TMOD3: variants seen among roughly 807,000 people sequenced by gnomAD.
TMOD3 encodes tropomodulin-3.
In TMOD3, 20 loss-of-function variants were observed where a neutral mutation model predicts 39.2. The observed-to-expected ratio is 0.51, with a 90% CI of 0.36 to 0.74. TMOD3 has a LOEUF of 0.74. TMOD3 is among the 30% of genes least tolerant of loss of function. The pLI, the probability that TMOD3 is intolerant of heterozygous loss-of-function variation, is 0.00. For synonymous variants in TMOD3, 143 were observed against 145.8 expected, an observed-to-expected ratio of 0.98 and a Z score of 0.14; for missense variants, 381 against 412.8, an observed-to-expected ratio of 0.92 and a Z score of 0.67.
chr15:51,850,760 G>C (rs1054547769), intron 1 of TMOD3, among the ~76,000 whole-genome samples: 2 of 151,758 alleles, frequency 1.3e-5, no homozygotes, highest in African/African-American at 4.9e-5. Flanking sequence ...TGTTTGAGAC[G>C]GAGTATTGCT....
At chr15:51,880,308 T>C (rs140933274) in intron 3 of TMOD3, among the ~76,000 whole-genome samples, 175 of 152,348 alleles carry the variant, frequency 1.1e-3, no homozygotes, top group African/African-American at 3.8e-3. Context: ...TTAGTGGTTT[T>C]TGTAAACATC....
At chr15:51,881,497 T>G (rs998778464) in intron 3 of TMOD3, among the ~76,000 whole-genome samples, 1 of 151,034 alleles carries the variant, frequency 6.6e-6, no homozygotes, top group Admixed American at 6.6e-5. Flanking sequence ...TGGTGGCATA[T>G]CTAAAAACCA....
At chr15:51,830,611 A>G (rs1204542083) in intron 1 of TMOD3, among the ~76,000 whole-genome samples, 3 of 152,220 alleles carry the variant, frequency 2.0e-5, no homozygotes, top group African/African-American at 7.2e-5. Context: ...TGAACACTGC[A>G]GTAAAACTTA....
At chr15:51,906,386 T>C (rs1377241062) in intron 9 of TMOD3, among the ~76,000 whole-genome samples, 1 of 152,194 alleles carries the variant, frequency 6.6e-6, no homozygotes, top group South Asian at 2.1e-4. Context: ...GATCTTTGAG[T>C]TCTGATTTTG....
chr15:51,900,008 T>C (rs939630038), intron 7 of TMOD3, 147 bp from the exon 8 acceptor site: 5 of 773,744 alleles, frequency 6.5e-6, no homozygotes, highest in Non-Finnish European at 1.0e-5. Flanking sequence ...CAACTGTACA[T>C]GTGAGAGCTA....
intron 1 of TMOD3, among the ~76,000 whole-genome samples, chr15:51,841,768 GT>G (rs1409586771): frequency 6.6e-6 from 1 of 152,044 alleles, no homozygotes; most frequent in African/African-American, 2.4e-5. Context: ...ATGGTTTGGA[GT>G]TTTTTTAATT....
intron 1 of TMOD3, among the ~76,000 whole-genome samples, chr15:51,848,092 G>C (rs996021663): frequency 6.6e-5 from 10 of 152,162 alleles, no homozygotes; most frequent in Non-Finnish European, 1.0e-4. Flanking sequence ...ACCTGACTCT[G>C]AATCTGCTGG....
intron 1 of TMOD3, among the ~76,000 whole-genome samples, chr15:51,856,917 A>G (rs1049690371): frequency 2.0e-5 from 3 of 152,220 alleles, no homozygotes. Flanking sequence ...TTCCATTCCT[A>G]GATTTGAAGG....
At chr15:51,876,648 A>G (rs1009604984) in intron 3 of TMOD3, among the ~76,000 whole-genome samples, 9 of 151,690 alleles carry the variant, frequency 5.9e-5, no homozygotes, top group African/African-American at 2.2e-4. Flanking sequence ...TTTTTAGTAG[A>G]GACGGGGTTT....
At chr15:51,842,547 G>T (rs1479032663) in intron 1 of TMOD3, among the ~76,000 whole-genome samples, 1 of 152,046 alleles carries the variant, frequency 6.6e-6, no homozygotes, top group Non-Finnish European at 1.5e-5. Context: ...CTGTCTGTTG[G>T]TTATTTTTCA....
At chr15:51,865,394 C>CT (rs2056440398) in intron 2 of TMOD3, among the ~76,000 whole-genome samples, 1 of 152,022 alleles carries the variant, frequency 6.6e-6, no homozygotes, top group African/African-American at 2.4e-5. Context: ...AGAGCTGGGA[C>CT]TAGATCCCTC....
In TMOD3 at chr15:51,893,377, A is replaced by C. The variant is rs1296753774; in HGVS notation, c.497-438A>C. ...AAAGGATCTTTTCGGAATTGTGGGGATGGAACTTTTAAATCTGTCCCCTTG... is the reference window on the plus strand; with the variant it reads ...AAAGGATCTTTTCGGAATTGTGGGGCTGGAACTTTTAAATCTGTCCCCTTG... On this transcript the variant is annotated intron_variant, in intron 5 of 9. Transcript: ENST00000308580. Among the ~76,000 whole-genome samples the C allele has an allele frequency of 2.0e-5, 3 of 151,184 alleles. No individual in the cohort carries two copies. In the East Asian group the frequency reaches 5.8e-4, roughly 29 times the overall value.
intron 9 of TMOD3, among the ~76,000 whole-genome samples, chr15:51,902,644 ATT>A (rs200954393): frequency 0.16 from 14,977 of 93,558 alleles, 965 homozygotes; most frequent in East Asian, 0.28. Flanking sequence ...TAATTTTTGT[ATT>A]TTTTTTTTTT....
rs111589483 is a variant in TMOD3 at position 51,842,720 on chromosome 15, T to A, written c.-75+12884T>A. Among the ~76,000 whole-genome samples the A allele has an allele frequency of 7.1e-3, 1,075 of 152,344 alleles. 15 individuals carry two copies. Among genetic ancestry groups the A allele is most frequent in the African/African-American group, 0.025 (1,037 of 41,580 alleles). ...CTTTTATCCCACCTCATGAGAATTA[T>A]ACCCTAACTCCAGGAGTTACCAAAT... On this transcript the variant is annotated intron_variant, in intron 1 of 9. Coordinates refer to ENST00000308580, the MANE Select transcript of TMOD3 (RefSeq NM_014547.5).
intron 9 of TMOD3, among the ~76,000 whole-genome samples, chr15:51,904,331 G>C (rs1408019582): frequency 6.6e-6 from 1 of 152,162 alleles, no homozygotes; most frequent in Admixed American, 6.5e-5. Context: ...TATGTTGTTG[G>C]CAGGGGCCAT....
rs1030951318 is a variant in TMOD3 at position 51,912,034 on chromosome 15, A to G, written c.*3224A>G. On this transcript the variant is annotated 3_prime_UTR_variant, in exon 10 of 10. Transcript: ENST00000308580. ...ATAAGATATTCGCTCTGGAGAAGTT[A>G]CATGTAAATAGAATTCTATAAATTG... 1 of 152,240 alleles carries G rather than the reference A, an allele frequency of 6.6e-6. No individual in the cohort carries two copies. Among genetic ancestry groups the G allele is most frequent in the African/African-American group, 2.4e-5 (1 of 41,460 alleles). 9.4% of individuals were successfully genotyped at this position (152,240 alleles called of 1,614,324 possible). A position where few individuals can be genotyped will look rare whatever the true frequency, so the allele number is the denominator to read the frequency against.
intron 3 of TMOD3, among the ~76,000 whole-genome samples, chr15:51,871,473 C>T (rs1044998795): frequency 1.3e-5 from 2 of 151,656 alleles, no homozygotes; most frequent in South Asian, 2.1e-4. Flanking sequence ...AGAAACAAAG[C>T]GAGAGATGTG....
rs1221461937 is a variant in TMOD3 at position 51,890,243 on chromosome 15, A to G, written c.496+1098A>G. On this transcript the variant is annotated intron_variant, in intron 5 of 9. Coordinates refer to ENST00000308580, the MANE Select transcript of TMOD3 (RefSeq NM_014547.5). ...GAGTGCAGTGGTACCATCTTGGCTT[A>G]CTGCAACCTCCGCCTCTCAGGTTCA... Among the ~76,000 whole-genome samples, 3 of 146,220 alleles carry G rather than the reference A, an allele frequency of 2.1e-5. No homozygotes were observed. The East Asian group carries it at 6.0e-4, about 29-fold the overall frequency.
intron 5 of TMOD3, among the ~76,000 whole-genome samples, chr15:51,893,592 C>G (rs955310471): frequency 6.6e-6 from 1 of 151,898 alleles, no homozygotes; most frequent in African/African-American, 2.4e-5. Flanking sequence ...GGTGAAACCC[C>G]GTCTCTACTA....
Sources: gnomAD v4.1 joint callset for allele counts (sites outside exome capture counted in the v4.1 genomes callset) on GRCh38, gnomAD v4.1.1 for gene constraint, MANE v1.5 for transcripts, NCBI Gene and HGNC (gene_info 2026-07-23, HGNC 2026-07-21) for gene names.